Variants in BLNK observed in about 807,000 individuals in gnomAD.
BLNK encodes B-cell linker protein.
BLNK carries 29 observed loss-of-function variants against 73.5 expected under a neutral mutation model. The observed-to-expected ratio is 0.39, with a 90% CI of 0.29 to 0.54. The LOEUF is 0.54. Among genes scored for constraint, BLNK ranks in the 20% least tolerant of loss-of-function variants. BLNK has a pLI of 0.61. For missense variants in BLNK, 460 were observed against 562.8 expected (o/e 0.82, Z 1.85); for synonymous variants, 176 against 200.8 (o/e 0.88, Z 1.04).
At chr10:96,219,705 G>C (rs1554900708) in intron 6 of BLNK, among the ~76,000 whole-genome samples, 1 of 152,218 alleles carries the variant, frequency 6.6e-6, no homozygotes, top group Non-Finnish European at 1.5e-5. Context: ...TTAGAGTCAT[G>C]ATGATATAGG....
chr10:96,200,135 T>C lies in BLNK; in HGVS notation c.1035A>G (p.Pro345=), dbSNP rs1554895729. Residue 345 remains proline, a synonymous_variant, in exon 15 of 17, where the codon CCA becomes CCG. Coordinates refer to ENST00000224337, the MANE Select transcript of BLNK (RefSeq NM_013314.4). The surrounding 1 kb of genome is among the most constrained non-coding windows in gnomAD (Gnocchi z 4.3). ...TTCGATCACAGGCTCCAGCATACCA[T>C]GGCTTGCAGAGAACGCCAGCTTCCT... ...SEQEAGVLCK[P]WYAGACDRKS... 3 of 1,614,148 alleles carry C rather than the reference T, an allele frequency of 1.9e-6. No individual in the cohort carries two copies. Among genetic ancestry groups the C allele is most frequent in the South Asian group, 1.1e-5 (1 of 91,068 alleles).
intron 16 of BLNK, among the ~76,000 whole-genome samples, chr10:96,193,209 G>T (rs1229637121): frequency 6.6e-6 from 1 of 152,112 alleles, no homozygotes; most frequent in Non-Finnish European, 1.5e-5. Context: ...TCTTGCAATT[G>T]CCAAAGAAAT....
intron 1 of BLNK, among the ~76,000 whole-genome samples, chr10:96,254,924 C>T (rs1194171238): frequency 1.3e-5 from 2 of 152,186 alleles, no homozygotes; most frequent in South Asian, 2.1e-4. Context: ...ACTTTGGCTG[C>T]ACATTAGAAT....
Position 96,223,978 on chromosome 10 carries a change from T to C in BLNK, c.373A>G (p.Ser125Gly). 6.2e-7 allele frequency: 1 copy of C among 1,612,904 alleles called. No individual in the cohort carries two copies. Among genetic ancestry groups the C allele is most frequent in the East Asian group, 2.2e-5 (1 of 44,882 alleles). Residue 125 changes from serine (S) to glycine (G), a missense_variant, in exon 6 of 17, where the codon AGC (serine) becomes GGC (glycine). Transcript: ENST00000224337. ...CTGAAGGGTGGGGAATGCCTCTGGC[T>C]TGATCGATTGTCTTGAAAGGAACAA... ...ARGEYIDNRSSQRHSPPFSKT... is the reference protein window; with the variant it reads ...ARGEYIDNRSGQRHSPPFSKT...
chr10:96,223,763 T>C lies in BLNK; in HGVS notation c.525+63A>G, dbSNP rs587710360. The C allele has an allele frequency of 3.8e-6, 6 of 1,587,430 alleles. No homozygotes were observed. The South Asian group carries it at 6.7e-5, about 18-fold the overall frequency. ...AGGAGGACAGCCAGCGGGCAGGCTG[T>C]CCTGGTCGCTTGCCCCACCCCCCTC... On this transcript the variant is annotated intron_variant, in intron 6 of 16. Transcript: ENST00000224337.
chr10:96,220,489 G>A (rs1687936647), intron 6 of BLNK, among the ~76,000 whole-genome samples: 1 of 152,218 alleles, frequency 6.6e-6, no homozygotes, highest in Non-Finnish European at 1.5e-5. Context: ...AATGTAAAAT[G>A]TATATTCCCA....
chr10:96,194,276 C>T (rs2083402200), intron 16 of BLNK, among the ~76,000 whole-genome samples: 1 of 152,166 alleles, frequency 6.6e-6, no homozygotes. Flanking sequence ...AATGATAATG[C>T]GGTCTACATT....
chr10:96,196,373 A>G (rs1180758360), intron 16 of BLNK, among the ~76,000 whole-genome samples: 2 of 152,222 alleles, frequency 1.3e-5, no homozygotes, highest in African/African-American at 4.8e-5. Flanking sequence ...TCCAGATTAA[A>G]GAGGCATTAA....
chr10:96,211,372 C>T (rs1353326042), intron 8 of BLNK, among the ~76,000 whole-genome samples: 2 of 152,156 alleles, frequency 1.3e-5, no homozygotes, highest in Non-Finnish European at 2.9e-5. Flanking sequence ...AAGAAGCAGA[C>T]ATAGGCCTCT....
chr10:96,191,254 T>A lies in BLNK; in HGVS notation c.*719A>T, dbSNP rs965725919. Among the ~76,000 whole-genome samples the A allele has an allele frequency of 1.9e-4, 28 of 148,016 alleles. No homozygotes were observed. Among genetic ancestry groups the A allele is most frequent in the Admixed American group, 1.0e-3 (15 of 14,812 alleles). ...AAACCTCTTTTTTTTTTTTTTTTTTTATGTAAATCACCCAGTCTTGAGTAT... is the reference window on the plus strand; with the variant it reads ...AAACCTCTTTTTTTTTTTTTTTTTTAATGTAAATCACCCAGTCTTGAGTAT... On this transcript the variant is annotated 3_prime_UTR_variant, in exon 17 of 17. Transcript: ENST00000224337.
chr10:96,264,226 T>G (rs538447558), intron 1 of BLNK, among the ~76,000 whole-genome samples: 15 of 152,082 alleles, frequency 9.9e-5, no homozygotes, highest in Non-Finnish European at 1.9e-4. Context: ...GTCTGTGAGA[T>G]TTAAGGGGGA....
chr10:96,269,732 C>T (rs1191696995), intron 1 of BLNK, among the ~76,000 whole-genome samples: 1 of 152,168 alleles, frequency 6.6e-6, no homozygotes, highest in African/African-American at 2.4e-5. Context: ...CCATCCTTTG[C>T]AACCTGGACC....
At chr10:96,227,132 C>G (rs1842299433) in intron 5 of BLNK, among the ~76,000 whole-genome samples, 1 of 136,836 alleles carries the variant, frequency 7.3e-6, no homozygotes, top group Non-Finnish European at 1.6e-5. Context: ...TCAGGGTATG[C>G]TGGGTTTGTT....
At chr10:96,206,940 T>C in intron 11 of BLNK, 71 bp downstream of exon 11, 8 of 1,441,098 alleles carry the variant, frequency 5.6e-6, no homozygotes, top group East Asian at 2.3e-5. Context: ...ATGTAATAAA[T>C]GTGTACATAC....
intron 3 of BLNK, among the ~76,000 whole-genome samples, chr10:96,237,522 G>A (rs1842737249): frequency 6.6e-6 from 1 of 152,146 alleles, no homozygotes; most frequent in Admixed American, 6.5e-5. Context: ...GCTCTGTTCA[G>A]TTCTGACTCC....
chr10:96,227,650 A>G (rs1842326000), intron 4 of BLNK, 84 bp from the exon 5 acceptor site: 2 of 1,597,634 alleles, frequency 1.3e-6, no homozygotes, highest in African/African-American at 1.3e-5. Context: ...TTGGGAGGCC[A>G]GAGCAGTGAC....
chr10:96,230,766 C>A (rs372301598), intron 4 of BLNK, 28 bp downstream of exon 4: 126 of 1,601,830 alleles, frequency 7.9e-5, no homozygotes, highest in Non-Finnish European at 1.0e-4. Flanking sequence ...ACCCTGATGC[C>A]CTCCTGGTCC....
At chr10:96,219,908 C>T (rs4917722) in intron 6 of BLNK, among the ~76,000 whole-genome samples, 125,690 of 152,214 alleles carry the variant, frequency 0.83, 52,457 homozygotes, top group African/African-American at 0.94. Flanking sequence ...AATAGGAAAA[C>T]GCTACCTGTG....
At chr10:96,268,428 A>G (rs1844112072) in intron 1 of BLNK, among the ~76,000 whole-genome samples, 1 of 152,060 alleles carries the variant, frequency 6.6e-6, no homozygotes, top group African/African-American at 2.4e-5. Context: ...AGGGAAAATC[A>G]TGGCTAGGAA....
Sources: gnomAD v4.1 joint callset for allele counts (sites outside exome capture counted in the v4.1 genomes callset) on GRCh38, gnomAD v4.1.1 for gene constraint, Gnocchi (gnomAD v3.1) non-coding constraint, MANE v1.5 for transcripts, NCBI Gene and HGNC (gene_info 2026-07-23, HGNC 2026-07-21) for gene names.